STXBP4: variants seen among roughly 807,000 people sequenced by gnomAD.
The protein encoded by STXBP4 is syntaxin binding protein 4.
In STXBP4, 55 loss-of-function variants were observed where a neutral mutation model predicts 76.1. The observed-to-expected ratio is 0.72, with a 90% confidence interval of 0.58 to 0.91. STXBP4 has a LOEUF of 0.91. Ranked by LOEUF, STXBP4 falls within the 40% of genes least tolerant of loss-of-function variation. STXBP4 has a pLI of 0.00. For synonymous variants in STXBP4, 201 were observed against 220.2 expected (o/e 0.91, Z 0.77); for missense variants, 618 against 636.9 (o/e 0.97, Z 0.32).
intron 1 of STXBP4, among the ~76,000 whole-genome samples, chr17:54,971,229 A>T (rs1366506016): frequency 2.0e-5 from 3 of 152,360 alleles, no homozygotes; most frequent in East Asian, 3.9e-4. Flanking sequence ...CAGGCATCAA[A>T]ATCAGTAAGT....
chr17:55,113,694 A>G (rs1598324920), intron 16 of STXBP4, among the ~76,000 whole-genome samples: 2 of 152,168 alleles, frequency 1.3e-5, no homozygotes, highest in Non-Finnish European at 2.9e-5. Flanking sequence ...AGAATGAATA[A>G]GCCGGAAAAA....
chr17:55,193,158 G>T, the STXBP4 span, among the ~76,000 whole-genome samples: 1 of 152,184 alleles, frequency 6.6e-6, no homozygotes, highest in Non-Finnish European at 1.5e-5. Flanking sequence ...AGACTTTCCA[G>T]TCTGAGGGAC....
intron 12 of STXBP4, among the ~76,000 whole-genome samples, chr17:55,058,021 G>T (rs998940815): frequency 1.3e-5 from 2 of 152,098 alleles, no homozygotes; most frequent in African/African-American, 4.8e-5. Context: ...ACGTACTTGT[G>T]CATGTGTCTT....
In STXBP4 at chr17:55,161,495, G is replaced by A. The variant is rs1161345112; in HGVS notation, c.*1584G>A. On this transcript the variant is annotated 3_prime_UTR_variant, in exon 18 of 18. Coordinates refer to ENST00000376352, the MANE Select transcript of STXBP4 (RefSeq NM_178509.6). The stretch of plus-strand genomic sequence containing the variant: ...ACTTCTTGTTTTTGTCAAATTAATG[G>A]TATGAAATTTCTCTCCCCCTGCTTG... The A allele has an allele frequency of 6.6e-6, 1 of 152,118 alleles. No homozygotes were observed. The highest frequency in any genetic ancestry group is 2.4e-5 in the African/African-American group (1 of 41,416). The allele number at this position is 152,118 out of a possible 1,614,324, so 9.4% of individuals were successfully genotyped here.
intron 3 of STXBP4, among the ~76,000 whole-genome samples, chr17:54,989,293 T>C (rs1428574816): frequency 1.3e-5 from 2 of 152,138 alleles, no homozygotes; most frequent in Non-Finnish European, 2.9e-5. Flanking sequence ...ATTTTTAGTA[T>C]AGACGGGGTT....
intron 17 of STXBP4, among the ~76,000 whole-genome samples, chr17:55,155,805 A>C (rs2080270851): frequency 6.6e-6 from 1 of 152,182 alleles, no homozygotes; most frequent in Non-Finnish European, 1.5e-5. Context: ...TAAGAAACAT[A>C]AGGAGGGTAA....
intron 16 of STXBP4, among the ~76,000 whole-genome samples, chr17:55,137,037 G>T (rs1336041647): frequency 6.6e-6 from 1 of 151,984 alleles, no homozygotes; most frequent in Non-Finnish European, 1.5e-5. Context: ...AGCTAGAATG[G>T]TAGCTGTTAT....
chr17:55,185,368 T>TCCTTCTC, the STXBP4 span, among the ~76,000 whole-genome samples: 21 of 133,658 alleles, frequency 1.6e-4, no homozygotes, highest in Non-Finnish European at 3.0e-4. Flanking sequence ...TCCTTCTCCT[T>TCCTTCTC]CTTCTTCTTC....
At chr17:54,972,372 T>C (rs968985283) in intron 1 of STXBP4, among the ~76,000 whole-genome samples, 1 of 152,212 alleles carries the variant, frequency 6.6e-6, no homozygotes, top group African/African-American at 2.4e-5. Flanking sequence ...TTTTCTAATG[T>C]TATCAGTCCT....
At position 55,065,767 on chromosome 17, in the gene STXBP4, C is replaced by T. The variant is rs149140590; in HGVS notation, c.1012-7133C>T. ...TTATCAATTAGATGTATTTTTATAT[C>T]TGTCCTTGATTAGGGACTTCTGTTT... On this transcript the variant is annotated intron_variant, in intron 12 of 17. Transcript: ENST00000376352. 8.0e-3 allele frequency among the ~76,000 whole-genome samples: 1,216 copies of T among 152,236 alleles called. 4 individuals carry two copies. Among genetic ancestry groups the T allele is most frequent in the Admixed American group, 0.019 (293 of 15,288 alleles).
chr17:55,181,422 T>C, the STXBP4 span, among the ~76,000 whole-genome samples: 1 of 152,270 alleles, frequency 6.6e-6, no homozygotes, highest in Non-Finnish European at 1.5e-5. Context: ...AAATTTCACC[T>C]TCCCTTTGGA....
At chr17:55,194,060 C>G in the STXBP4 span, among the ~76,000 whole-genome samples, 1 of 152,096 alleles carries the variant, frequency 6.6e-6, no homozygotes, top group Non-Finnish European at 1.5e-5. Flanking sequence ...GCTTCTGATG[C>G]TCCAGACATT....
chr17:55,009,858 A>T (rs1295251292), intron 8 of STXBP4, among the ~76,000 whole-genome samples: 1 of 151,988 alleles, frequency 6.6e-6, no homozygotes, highest in Non-Finnish European at 1.5e-5. Context: ...AATACAACAC[A>T]AGTAAAAGCT....
At chr17:55,007,335 C>G (rs376514891) in intron 7 of STXBP4, among the ~76,000 whole-genome samples, 171 bp from the exon 8 acceptor site, 3 of 142,258 alleles carry the variant, frequency 2.1e-5, no homozygotes, top group East Asian at 2.1e-4. Flanking sequence ...CTCTGTCCCC[C>G]CTCCAAAAAA....
At chr17:54,983,427 C>T (rs1050024452) in intron 1 of STXBP4, among the ~76,000 whole-genome samples, 22 of 152,114 alleles carry the variant, frequency 1.4e-4, no homozygotes, top group African/African-American at 5.1e-4. Context: ...AACAACTCAC[C>T]AAAGATGAGG....
chr17:55,028,531 G>A (rs1452388463), intron 8 of STXBP4, among the ~76,000 whole-genome samples: 1 of 152,154 alleles, frequency 6.6e-6, no homozygotes, highest in Non-Finnish European at 1.5e-5. Flanking sequence ...CTTCAGAGCA[G>A]TGGTTCTCAA....
chr17:55,138,369 A>G (rs1356986258), intron 16 of STXBP4, among the ~76,000 whole-genome samples: 2 of 152,086 alleles, frequency 1.3e-5, no homozygotes, highest in African/African-American at 4.8e-5. Context: ...GAAAGGAACT[A>G]TTTTGTCTGG....
chr17:55,056,218 C>G (rs2078921068), intron 12 of STXBP4, among the ~76,000 whole-genome samples: 1 of 151,996 alleles, frequency 6.6e-6, no homozygotes, highest in Non-Finnish European at 1.5e-5. Context: ...TTGGATTTAT[C>G]TAAAATATTA....
chr17:55,143,076 G>A (rs886373697), intron 17 of STXBP4, among the ~76,000 whole-genome samples: 4 of 152,146 alleles, frequency 2.6e-5, no homozygotes, highest in Non-Finnish European at 4.4e-5. Flanking sequence ...AAAAGATGAG[G>A]GCATGAGCAT....
Sources: gnomAD v4.1 joint callset for allele counts (sites outside exome capture counted in the v4.1 genomes callset) on GRCh38, gnomAD v4.1.1 for gene constraint, MANE v1.5 for transcripts, NCBI Gene and HGNC (gene_info 2026-07-23, HGNC 2026-07-21) for gene names.